The following DIAPH1 variants were observed in gnomAD, a reference collection of about 807,000 sequenced individuals.
DIAPH1 encodes the protein protein diaphanous homolog 1.
Under a neutral mutation model 140.7 loss-of-function variants are expected in DIAPH1, and 46 were observed. That is an observed-to-expected ratio of 0.33 (90% CI 0.26 to 0.42). DIAPH1 has a LOEUF of 0.42. Among genes scored for constraint, DIAPH1 ranks in the 10% least tolerant of loss-of-function variants. DIAPH1 has a pLI of 1.00. For missense variants in DIAPH1, 1,310 were observed against 1,558.7 expected (o/e 0.84, Z 2.69); for synonymous variants, 565 against 551.6 (o/e 1.02, Z -0.34).
chr5:141,527,554 T>A lies in DIAPH1; in HGVS notation c.3273+19A>T, dbSNP rs371341914. On this transcript the variant is annotated intron_variant, in intron 24 of 27. Transcript: ENST00000389054. ...TTTCCCTTCCTAGGGAACAACTCCC[T>A]CCTTTCAAGAGAGGATATGGTCATT... The A allele has an allele frequency of 1.2e-6, 2 of 1,613,422 alleles. No individual in the cohort carries two copies. The highest frequency in any genetic ancestry group is 1.3e-5 in the African/African-American group (1 of 74,888).
In DIAPH1 at chr5:141,516,573, G is replaced by C; in HGVS notation, c.*278C>G. The C allele has an allele frequency of 6.0e-6, 3 of 498,006 alleles. No individual in the cohort carries two copies. The highest frequency in any genetic ancestry group is 1.1e-5 in the Non-Finnish European group (3 of 271,368). The allele number at this position is 498,006 out of a possible 1,614,324, so 30.8% of individuals were successfully genotyped here. A position where few individuals can be genotyped will look rare whatever the true frequency, so the allele number is the denominator to read the frequency against. Reference sequence around the variant, plus strand: ...CCCTCTGAGTAACAGAGAGGAGACAGGGTTAAGGCAGCAAACATGGACCCT... The same window carrying C: ...CCCTCTGAGTAACAGAGAGGAGACACGGTTAAGGCAGCAAACATGGACCCT... On this transcript the variant is annotated 3_prime_UTR_variant, in exon 28 of 28. Transcript: ENST00000389054.
At chr5:141,528,992 GA>G in intron 21 of DIAPH1, 51 bp from the exon 22 acceptor site, 3 of 1,613,392 alleles carry the variant, frequency 1.9e-6, no homozygotes, top group South Asian at 2.2e-5. Flanking sequence ...GGGGAAGTCA[GA>G]AAAAGATACA....
At chr5:141,529,321 C>T (rs1260368466) in intron 20 of DIAPH1, 48 bp from the exon 21 acceptor site, 1 of 1,478,988 alleles carries the variant, frequency 6.8e-7, no homozygotes, top group African/African-American at 1.4e-5. Context: ...TCGCTAACAA[C>T]TCAAGCCTAA....
chr5:141,564,560 T>C (rs990896648), intron 18 of DIAPH1: 10 of 152,236 alleles, frequency 6.6e-5, no homozygotes, highest in East Asian at 1.9e-4. Context: ...CTTCGCGCAA[T>C]AGTTTTAAAG....
rs968587277 is a variant in DIAPH1 at position 141,571,923 on chromosome 5, C to T, written c.2473+3G>A. On this transcript the variant is annotated splice_donor_region_variant and intron_variant, in intron 17 of 27. Transcript: ENST00000389054. ...CCTTTGCATCAAAGAGGAAGGTACTCACTCTTGGTCTGGGCAGAGAAGGTA... is the reference window on the plus strand; with the variant it reads ...CCTTTGCATCAAAGAGGAAGGTACTTACTCTTGGTCTGGGCAGAGAAGGTA... The T allele has an allele frequency of 1.1e-5, 18 of 1,598,270 alleles. No individual in the cohort carries two copies. The highest frequency in any genetic ancestry group is 4.0e-5 in the African/African-American group (3 of 74,568).
Position 141,582,384 on chromosome 5 carries a change from A to G in DIAPH1, c.621-9T>C, listed in dbSNP as rs761138352. 1 of 1,605,262 alleles carries G rather than the reference A, an allele frequency of 6.2e-7. No individual in the cohort carries two copies. The highest frequency in any genetic ancestry group is 8.5e-7 in the Non-Finnish European group (1 of 1,171,980). ...TCCGGCTATCGTAACTCCTGTATAT[A>G]GAAGACATAATCAGTGAGGTCCCTT... On this transcript the variant is annotated splice_polypyrimidine_tract_variant and intron_variant, in intron 6 of 27. Coordinates refer to ENST00000389054, the MANE Select transcript of DIAPH1 (RefSeq NM_005219.5).
At chr5:141,567,722 T>C (rs1252065066) in intron 18 of DIAPH1, among the ~76,000 whole-genome samples, 1 of 152,086 alleles carries the variant, frequency 6.6e-6, no homozygotes, top group Non-Finnish European at 1.5e-5. Context: ...AGAAGAGATA[T>C]CACAGGGAAA....
chr5:141,610,892 T>C (rs1460559492), intron 1 of DIAPH1, among the ~76,000 whole-genome samples: 1 of 147,056 alleles, frequency 6.8e-6, no homozygotes, highest in South Asian at 2.1e-4. Context: ...CTGGGCAACA[T>C]AGTGAAACCC....
intron 18 of DIAPH1, among the ~76,000 whole-genome samples, chr5:141,541,409 T>C (rs1333684800): frequency 1.3e-5 from 2 of 152,042 alleles, no homozygotes. Flanking sequence ...ACTTAAGGGC[T>C]GTGCACAGTG....
At chr5:141,571,628 CT>C (rs1452822877) in intron 17 of DIAPH1, among the ~76,000 whole-genome samples, 192 bp from the exon 18 acceptor site, 2 of 152,188 alleles carry the variant, frequency 1.3e-5, no homozygotes, top group Non-Finnish European at 2.9e-5. Flanking sequence ...GTGCCAGAAT[CT>C]GTTCAAAAGT....
At chr5:141,582,255 G>A (rs914762285) in intron 7 of DIAPH1, 57 bp downstream of exon 7, 1 of 1,313,500 alleles carries the variant, frequency 7.6e-7, no homozygotes, top group African/African-American at 1.4e-5. Flanking sequence ...TTTGCCAATA[G>A]AAGAGAAAGA....
intron 18 of DIAPH1, among the ~76,000 whole-genome samples, chr5:141,538,222 G>C (rs1322412531): frequency 6.7e-6 from 1 of 150,200 alleles, no homozygotes; most frequent in Non-Finnish European, 1.5e-5. Context: ...CACCACACTT[G>C]GCTAATTTTT....
intron 1 of DIAPH1, among the ~76,000 whole-genome samples, chr5:141,616,278 C>A (rs1000650344): frequency 3.3e-5 from 5 of 152,176 alleles, no homozygotes; most frequent in African/African-American, 1.2e-4. Context: ...CCAGTTAATC[C>A]GTATTTAGAA....
In DIAPH1 at chr5:141,528,699, C is replaced by A; in HGVS notation, c.3018+3G>T. 1 of 1,614,238 alleles carries A rather than the reference C, an allele frequency of 6.2e-7. No homozygotes were observed. Among genetic ancestry groups the A allele is most frequent in the Non-Finnish European group, 8.5e-7 (1 of 1,180,048 alleles). On this transcript the variant is annotated splice_donor_region_variant and intron_variant, in intron 22 of 27. Transcript: ENST00000389054. ...GTTGTCCTGCCCTACCTCTTTGGCTCACCTTACAGAGGAAGCTGATATTGA... is the reference window on the plus strand; with the variant it reads ...GTTGTCCTGCCCTACCTCTTTGGCTAACCTTACAGAGGAAGCTGATATTGA...
intron 18 of DIAPH1, among the ~76,000 whole-genome samples, chr5:141,543,116 T>C (rs945289808): frequency 6.6e-6 from 1 of 151,842 alleles, no homozygotes; most frequent in Non-Finnish European, 1.5e-5. Context: ...GCATTATTTA[T>C]AATAGCCAAA....
chr5:141,555,243 CTA>C (rs1378772324), intron 18 of DIAPH1, among the ~76,000 whole-genome samples: 11 of 152,154 alleles, frequency 7.2e-5, no homozygotes, highest in Admixed American at 1.3e-4. Flanking sequence ...GATAATGTAA[CTA>C]TGTGTAAATT....
chr5:141,605,915 G>A (rs1034139993), intron 1 of DIAPH1, among the ~76,000 whole-genome samples: 3 of 152,034 alleles, frequency 2.0e-5, no homozygotes, highest in Admixed American at 6.5e-5. Context: ...CAGCCCTGGC[G>A]GATGCAAAGA....
chr5:141,567,486 G>A (rs2099894555), intron 18 of DIAPH1, among the ~76,000 whole-genome samples: 1 of 152,150 alleles, frequency 6.6e-6, no homozygotes, highest in South Asian at 2.1e-4. Context: ...TAATTAAAAG[G>A]TAAGACTCCC....
intron 1 of DIAPH1, chr5:141,618,505 G>T: frequency 3.1e-6 from 1 of 319,122 alleles, no homozygotes. Context: ...GCTGAGAGGG[G>T]AGAGACGGGG....
Sources: gnomAD v4.1 joint callset for allele counts (sites outside exome capture counted in the v4.1 genomes callset) on GRCh38, gnomAD v4.1.1 for gene constraint, MANE v1.5 for transcripts, NCBI Gene and HGNC (gene_info 2026-07-23, HGNC 2026-07-21) for gene names.